Variants in PRICKLE1 observed in about 807,000 individuals in gnomAD.
The protein encoded by PRICKLE1 is prickle planar cell polarity protein 1, also known as prickle-like protein 1.
PRICKLE1 carries 14 observed loss-of-function variants against 70.2 expected under a neutral mutation model. The ratio of observed to expected loss-of-function variants is 0.20; its 90% CI spans 0.13 to 0.31. PRICKLE1 has a LOEUF of 0.31. Ranked by LOEUF, PRICKLE1 falls within the 10% of genes least tolerant of loss-of-function variation. PRICKLE1 has a pLI of 1.00. For synonymous variants in PRICKLE1, 357 were observed against 379.9 expected (o/e 0.94, Z 0.70); for missense variants, 821 against 1,026.2 (o/e 0.80, Z 2.73).
intron 1 of PRICKLE1, among the ~76,000 whole-genome samples, chr12:42,541,711 C>T (rs1355548416): frequency 6.6e-6 from 1 of 152,180 alleles, no homozygotes; most frequent in African/African-American, 2.4e-5. Context: ...CAGTAACATC[C>T]TCCAAGGCTG....
intron 1 of PRICKLE1, among the ~76,000 whole-genome samples, chr12:42,537,278 C>A (rs1247901084): frequency 6.6e-6 from 1 of 152,056 alleles, no homozygotes; most frequent in East Asian, 1.9e-4. Context: ...TCTGCCTCAG[C>A]CTCTGGAGTA....
intron 1 of PRICKLE1, among the ~76,000 whole-genome samples, chr12:42,575,693 CA>C (rs888933263): frequency 1.4e-5 from 2 of 144,452 alleles, no homozygotes; most frequent in African/African-American, 2.6e-5. Context: ...AACTCCATCT[CA>C]AAAAAAAATA....
chr12:42,465,279 T>A, intron 6 of PRICKLE1, 21 bp from the exon 7 acceptor site: 2 of 1,613,354 alleles, frequency 1.2e-6, no homozygotes, highest in Non-Finnish European at 1.7e-6. Context: ...AAGGATAGAA[T>A]AAATAACAGG....
At chr12:42,563,578 C>T (rs1940565576) in intron 1 of PRICKLE1, among the ~76,000 whole-genome samples, 1 of 151,342 alleles carries the variant, frequency 6.6e-6, no homozygotes, top group South Asian at 2.1e-4. Context: ...TGATGGGCAC[C>T]TGTAGTCCCA....
At chr12:42,527,149 T>TG (rs1939819225) in intron 1 of PRICKLE1, among the ~76,000 whole-genome samples, 1 of 90,942 alleles carries the variant, frequency 1.1e-5, no homozygotes, top group South Asian at 3.6e-4. Flanking sequence ...TTTTTTTTTT[T>TG]TGGGACGGAG....
chr12:42,543,723 G>C (rs538863970), intron 1 of PRICKLE1, among the ~76,000 whole-genome samples: 3 of 151,878 alleles, frequency 2.0e-5, no homozygotes, highest in Admixed American at 1.3e-4. Flanking sequence ...GGGTTTCACC[G>C]TGTTAGCCAG....
intron 1 of PRICKLE1, among the ~76,000 whole-genome samples, chr12:42,513,153 G>A (rs1358428984): frequency 6.6e-6 from 1 of 152,006 alleles, no homozygotes; most frequent in Non-Finnish European, 1.5e-5. Context: ...GTAGAAAGGG[G>A]GTTTCACCAT....
chr12:42,525,603 TTGAC>T (rs1411675538), intron 1 of PRICKLE1, among the ~76,000 whole-genome samples: 1 of 152,148 alleles, frequency 6.6e-6, no homozygotes, highest in Non-Finnish European at 1.5e-5. Flanking sequence ...GCAGAACTGA[TTGAC>T]TGGTTGTTGG....
intron 1 of PRICKLE1, among the ~76,000 whole-genome samples, chr12:42,487,254 T>C (rs565613637): frequency 2.0e-5 from 3 of 152,336 alleles, no homozygotes; most frequent in East Asian, 1.9e-4. Context: ...TGGTGGGTCA[T>C]TGAACATTTG....
rs886044288 is a variant in PRICKLE1 at position 42,460,017 on chromosome 12, C to G, written c.2288G>C (p.Cys763Ser). The change falls in exon 8 of 8, where the codon TGT (cysteine) becomes TCT (serine). Residue 763 changes from cysteine (C) to serine (S), a missense_variant. Physicochemically the swap from Cys to Ser is moderately radical, Grantham distance 112. Coordinates refer to ENST00000345127, the MANE Select transcript of PRICKLE1 (RefSeq NM_153026.3). ...GLYGEDDDSW[C>S]SSSSSSSDSE... is the part of the protein sequence containing the mutation. ...GTCGGAAGAGGAGGAGGAGGAAGAA[C>G]ACCAGGAATCATCATCCTCGCCGTA... The G allele has an allele frequency of 3.7e-6, 6 of 1,614,010 alleles. No individual in the cohort carries two copies. Among genetic ancestry groups the G allele is most frequent in the Non-Finnish European group, 5.1e-6 (6 of 1,179,998 alleles).
intron 1 of PRICKLE1, among the ~76,000 whole-genome samples, chr12:42,543,808 A>AC (rs1940158415): frequency 6.6e-6 from 1 of 152,286 alleles, no homozygotes; most frequent in South Asian, 2.1e-4. Context: ...GGCGTGAGCC[A>AC]CCGCACCCGG....
intron 1 of PRICKLE1, among the ~76,000 whole-genome samples, chr12:42,474,912 G>A (rs1286149369): frequency 1.3e-5 from 2 of 152,162 alleles, no homozygotes; most frequent in Non-Finnish European, 2.9e-5. Flanking sequence ...TATAAAACAA[G>A]AGAAAACATC....
At chr12:42,491,596 A>C (rs1350767773) in intron 1 of PRICKLE1, among the ~76,000 whole-genome samples, 1 of 152,082 alleles carries the variant, frequency 6.6e-6, no homozygotes, top group Non-Finnish European at 1.5e-5. Context: ...TCAGGGGCCT[A>C]TCATTATAAA....
At chr12:42,533,162 T>A (rs1592007921) in intron 1 of PRICKLE1, among the ~76,000 whole-genome samples, 1 of 151,890 alleles carries the variant, frequency 6.6e-6, no homozygotes, top group Non-Finnish European at 1.5e-5. Flanking sequence ...CCTAGAAGGG[T>A]ATATACCAAA....
At chr12:42,503,720 A>T (rs1289942865) in intron 1 of PRICKLE1, among the ~76,000 whole-genome samples, 1 of 152,228 alleles carries the variant, frequency 6.6e-6, no homozygotes, top group African/African-American at 2.4e-5. Flanking sequence ...TCATATATGA[A>T]TATCCCTAGC....
At chr12:42,485,690 GC>G (rs1422299787) in intron 1 of PRICKLE1, among the ~76,000 whole-genome samples, 1 of 152,164 alleles carries the variant, frequency 6.6e-6, no homozygotes, top group Admixed American at 6.5e-5. Flanking sequence ...AATACATTAA[GC>G]CAGGCAGACC....
intron 1 of PRICKLE1, among the ~76,000 whole-genome samples, chr12:42,585,039 T>C (rs1478011253): frequency 1.3e-5 from 2 of 152,012 alleles, no homozygotes; most frequent in Admixed American, 1.3e-4. Flanking sequence ...TAACTTTTTT[T>C]TTTTTTTCTG....
At chr12:42,489,128 G>A (rs1036802560) in intron 1 of PRICKLE1, among the ~76,000 whole-genome samples, 1 of 150,742 alleles carries the variant, frequency 6.6e-6, no homozygotes, top group Non-Finnish European at 1.5e-5. Context: ...TCTCCATGTT[G>A]TTCAGACTGG....
At chr12:42,527,154 A>G (rs1939819593) in intron 1 of PRICKLE1, among the ~76,000 whole-genome samples, 3 of 68,350 alleles carry the variant, frequency 4.4e-5, no homozygotes, top group Non-Finnish European at 5.3e-5. Context: ...TTTTTTTGGG[A>G]CGGAGTCTCA....
Sources: allele counts gnomAD v4.1 joint callset (sites outside exome capture counted in the v4.1 genomes callset), GRCh38; gene constraint gnomAD v4.1.1; transcripts MANE v1.5; gene names NCBI Gene and HGNC (gene_info 2026-07-23, HGNC 2026-07-21).